The following MSANTD2 variants were observed in gnomAD, a reference collection of about 807,000 sequenced individuals.
The protein encoded by MSANTD2 is myb/SANT-like DNA-binding domain-containing protein 2.
A neutral mutation model predicts 52.6 loss-of-function variants in MSANTD2; 19 were observed. That is an observed-to-expected ratio of 0.36 (90% CI 0.25 to 0.53). MSANTD2 has a LOEUF of 0.53. Ranked by LOEUF, MSANTD2 falls within the 20% of genes least tolerant of loss-of-function variation. MSANTD2 has a pLI of 0.91. For synonymous variants in MSANTD2, 291 were observed against 289.7 expected (o/e 1.00, Z -0.04); for missense variants, 558 against 716.3 (o/e 0.78, Z 2.52).
At chr11:124,784,558 T>A (rs754304586) in intron 1 of MSANTD2, 20 of 984,780 alleles carry the variant, frequency 2.0e-5, no homozygotes, top group Non-Finnish European at 2.3e-5. Context: ...AATACGAAGG[T>A]GTTTCCATTC....
In MSANTD2 at chr11:124,788,719, G is replaced by A. The variant is rs972964995; in HGVS notation, c.510+11152C>T. ...AGATGCTCATGAACTGATGGTTGATGAGTAAGAATGTAGCACTTTGCTGCT... is the reference window on the plus strand; with the variant it reads ...AGATGCTCATGAACTGATGGTTGATAAGTAAGAATGTAGCACTTTGCTGCT... On this transcript the variant is annotated intron_variant, in intron 1 of 3. Transcript: ENST00000374979. Among the ~76,000 whole-genome samples, 30 of 152,300 alleles carry A rather than the reference G, an allele frequency of 2.0e-4. No individual in the cohort carries two copies. The South Asian group carries it at 3.5e-3, about 18-fold the overall frequency.
intron 3 of MSANTD2, among the ~76,000 whole-genome samples, chr11:124,770,068 A>C (rs1203020768): frequency 2.0e-5 from 3 of 152,236 alleles, no homozygotes; most frequent in Admixed American, 2.0e-4. Context: ...ATTCCTGAGA[A>C]CTGTCTGTTA....
intron 1 of MSANTD2, among the ~76,000 whole-genome samples, chr11:124,785,719 G>T (rs972975840): frequency 6.6e-6 from 1 of 152,016 alleles, no homozygotes; most frequent in African/African-American, 2.4e-5. Context: ...TCTCATTCCT[G>T]GAAGAGGGAT....
intron 2 of MSANTD2, chr11:124,773,285 G>A (rs1944609411): frequency 3.1e-6 from 1 of 323,616 alleles, no homozygotes; most frequent in Admixed American, 4.9e-5. Flanking sequence ...ATTCTTCAAG[G>A]TCACCAGTGG....
chr11:124,784,012 G>A, intron 1 of MSANTD2: 2 of 985,292 alleles, frequency 2.0e-6, no homozygotes, highest in Non-Finnish European at 2.4e-6. Context: ...GAATTCTCAA[G>A]TGCTTTTCTA....
chr11:124,780,657 A>G (rs1271619702), intron 1 of MSANTD2, among the ~76,000 whole-genome samples: 1 of 152,216 alleles, frequency 6.6e-6, no homozygotes, highest in African/African-American at 2.4e-5. Flanking sequence ...TCTGCTCTGC[A>G]TTATGTAGTT....
chr11:124,784,482 AC>A (rs10547948), intron 1 of MSANTD2: 24,952 of 972,240 alleles, frequency 0.026, 459 homozygotes, highest in African/African-American at 0.099. Flanking sequence ...TAAAAATTAA[AC>A]CCCCCCCCCG....
rs1011197610 is a variant in MSANTD2, at chr11:124,791,687, G to C, written c.510+8184C>G. On this transcript the variant is annotated intron_variant, in intron 1 of 3. Coordinates refer to ENST00000374979, the MANE Select transcript of MSANTD2 (RefSeq NM_001308027.2). ...TGAGGGCATTTCTGGAGACAGGCAAGGCTGTGGCTGGGGAAGGGGAAAGAT... is the reference window on the plus strand; with the variant it reads ...TGAGGGCATTTCTGGAGACAGGCAACGCTGTGGCTGGGGAAGGGGAAAGAT... 1.2e-5 allele frequency: 14 copies of C among 1,192,806 alleles called. No individual in the cohort carries two copies. The African/African-American group carries it at 1.3e-4, about 11-fold the overall frequency. The allele number at this position is 1,192,806 out of a possible 1,614,324, so 73.9% of individuals were successfully genotyped here. A position where few individuals can be genotyped will look rare whatever the true frequency, so the allele number is the denominator to read the frequency against.
chr11:124,787,998 G>C (rs1945213261), intron 1 of MSANTD2, among the ~76,000 whole-genome samples: 1 of 151,526 alleles, frequency 6.6e-6, no homozygotes, highest in Non-Finnish European at 1.5e-5. Flanking sequence ...GGAGGCTGAG[G>C]TGCAAGGATC....
intron 1 of MSANTD2, among the ~76,000 whole-genome samples, chr11:124,795,546 A>G (rs1945467772): frequency 6.6e-6 from 1 of 152,212 alleles, no homozygotes; most frequent in South Asian, 2.1e-4. Flanking sequence ...GCTTTAGGCA[A>G]ATAACACTAA....
chr11:124,773,149 T>C, intron 2 of MSANTD2, 95 bp from the exon 3 acceptor site: 1 of 708,422 alleles, frequency 1.4e-6, no homozygotes, highest in Non-Finnish European at 2.5e-6. Flanking sequence ...CATTCCATAC[T>C]TTCCAAAACC....
intron 3 of MSANTD2, among the ~76,000 whole-genome samples, chr11:124,769,457 T>C (rs926160257): frequency 1.3e-5 from 2 of 152,210 alleles, no homozygotes; most frequent in African/African-American, 4.8e-5. Context: ...ATTGTGGTGC[T>C]TATGAGGCTA....
intron 1 of MSANTD2, among the ~76,000 whole-genome samples, chr11:124,798,000 G>C (rs1326373726): frequency 6.6e-6 from 1 of 152,110 alleles, no homozygotes; most frequent in East Asian, 1.9e-4. Flanking sequence ...AGTTTCTACA[G>C]ACAGAAATCA....
Position 124,767,259 on chromosome 11 carries a change from C to T in MSANTD2, c.1597G>A (p.Val533Ile), listed in dbSNP as rs149369794. Residue 533 changes from valine (V) to isoleucine (I), a missense_variant, in exon 4 of 4, where the codon GTA becomes ATA. Physicochemically the swap from Val to Ile is conservative, Grantham distance 29. Around this residue, in one of 2 missense-constraint regions of MSANTD2, gnomAD observed 408 missense variants for 573.6 expected, o/e 0.71. Transcript: ENST00000374979. This position sits in a 1 kb window ranked among gnomAD's most constrained non-coding sequence, Gnocchi z 6.5. ...CCTGCGGAAAGAAAATCCCTCTCTACTTCTACAAATTTGATGTAGATGGAT... is the reference window on the plus strand; with the variant it reads ...CCTGCGGAAAGAAAATCCCTCTCTATTTCTACAAATTTGATGTAGATGGAT... Reference protein sequence around the residue: ...PKSIYIKFVEVERDFLSAGSL... With the variant: ...PKSIYIKFVEIERDFLSAGSL... The T allele has an allele frequency of 1.9e-6, 3 of 1,614,068 alleles. No homozygotes were observed. Among genetic ancestry groups the T allele is most frequent in the Non-Finnish European group, 2.5e-6 (3 of 1,180,040 alleles).
At position 124,800,000 on chromosome 11, in the gene MSANTD2, C is replaced by T; in HGVS notation, c.381G>A (p.Gln127=). The T allele has an allele frequency of 6.3e-7, 1 of 1,584,020 alleles. No homozygotes were observed. Among genetic ancestry groups the T allele is most frequent in the Non-Finnish European group, 8.5e-7 (1 of 1,174,568 alleles). The change falls in exon 1 of 4, where the codon CAG becomes CAA. Residue 127 remains glutamine, a synonymous_variant. Transcript: ENST00000374979. ...ACACCGTGCCGGCTCCCTCCAGCTG[C>T]TGGTACCGCGCCTCCACCAGCCGCT... ...GNERLVEARY[Q]QLEGAGTVFG...
At chr11:124,781,165 A>G (rs1944950949) in intron 1 of MSANTD2, among the ~76,000 whole-genome samples, 2 of 150,258 alleles carry the variant, frequency 1.3e-5, no homozygotes, top group Admixed American at 6.6e-5. Context: ...CCTGGGCGAC[A>G]TGAGGGAGTC....
Position 124,767,255 on chromosome 11 carries a change from T to C in MSANTD2, c.1601A>G (p.Glu534Gly). Residue 534 changes from glutamate (E) to glycine (G), a missense_variant, in exon 4 of 4, where the codon GAG (glutamate) becomes GGG (glycine). Glu to Gly is a moderately conservative substitution (Grantham distance 98). This residue lies in a region of MSANTD2 where 408 missense variants were observed against 573.6 expected (regional missense o/e 0.71). Coordinates refer to ENST00000374979, the MANE Select transcript of MSANTD2 (RefSeq NM_001308027.2). This position sits in a 1 kb window ranked among gnomAD's most constrained non-coding sequence, Gnocchi z 6.5. ...KSIYIKFVEV[E>G]RDFLSAGSLV... Reference sequence around the variant, plus strand: ...AGAGCCTGCGGAAAGAAAATCCCTCTCTACTTCTACAAATTTGATGTAGAT... The same window carrying C: ...AGAGCCTGCGGAAAGAAAATCCCTCCCTACTTCTACAAATTTGATGTAGAT... The C allele has an allele frequency of 6.2e-7, 1 of 1,614,180 alleles. No individual in the cohort carries two copies. Among genetic ancestry groups the C allele is most frequent in the Non-Finnish European group, 8.5e-7 (1 of 1,180,030 alleles).
In MSANTD2 at chr11:124,779,704, T is replaced by C. The variant is rs527675263; in HGVS notation, c.511-4730A>G. On this transcript the variant is annotated intron_variant, in intron 1 of 3. Transcript: ENST00000374979. The surrounding 1 kb of genome is among the most constrained non-coding windows in gnomAD (Gnocchi z 4.6). Reference sequence around the variant, plus strand: ...ACAAGCAGTGAAACAGATTTTCAAATGTAGCTGTCAAGCTGGCCACACTGG... The same window carrying C: ...ACAAGCAGTGAAACAGATTTTCAAACGTAGCTGTCAAGCTGGCCACACTGG... Among the ~76,000 whole-genome samples the C allele has an allele frequency of 4.6e-5, 7 of 152,342 alleles. No individual in the cohort carries two copies. In the South Asian group the frequency reaches 1.4e-3, roughly 32 times the overall value.
chr11:124,772,718 CAG>C (rs1420343373), intron 3 of MSANTD2, among the ~76,000 whole-genome samples: 3 of 120,390 alleles, frequency 2.5e-5, no homozygotes, highest in African/African-American at 9.7e-5. Flanking sequence ...GCCTGGGTGA[CAG>C]AGCGAGAGCG....
Sources: gnomAD v4.1 joint callset for allele counts (sites outside exome capture counted in the v4.1 genomes callset) on GRCh38, gnomAD v4.1.1 for gene constraint, gnomAD v4.1.1 regional missense constraint, Gnocchi (gnomAD v3.1) non-coding constraint, MANE v1.5 for transcripts, NCBI Gene and HGNC (gene_info 2026-07-23, HGNC 2026-07-21) for gene names.